The following GLIS3 variants were observed in gnomAD, a reference collection of about 807,000 sequenced individuals.
GLIS3 encodes the protein zinc finger protein GLIS3.
In GLIS3, 53 loss-of-function variants were observed where a neutral mutation model predicts 78.6. The ratio of observed to expected loss-of-function variants is 0.67; its 90% CI spans 0.54 to 0.85. The LOEUF is 0.85. Among genes scored for constraint, GLIS3 ranks in the 40% least tolerant of loss-of-function variants. The pLI is 0.00. For synonymous variants in GLIS3, 684 were observed against 509.9 expected (o/e 1.34, Z -4.60); for missense variants, 1,703 against 1,231.1 (o/e 1.38, Z -5.74).
At chr9:4,176,052 T>C (rs996088489) in intron 2 of GLIS3, among the ~76,000 whole-genome samples, 1 of 152,162 alleles carries the variant, frequency 6.6e-6, no homozygotes, top group Non-Finnish European at 1.5e-5. Flanking sequence ...GTGTGCCAAA[T>C]GACACATGAA....
intron 2 of GLIS3, among the ~76,000 whole-genome samples, chr9:4,328,784 CG>C (rs1554659089): frequency 6.6e-6 from 1 of 152,122 alleles, no homozygotes; most frequent in Non-Finnish European, 1.5e-5. Context: ...CCAGGTGTTG[CG>C]AGGACTGAAA....
the GLIS3 span, among the ~76,000 whole-genome samples, chr9:4,464,464 A>G: frequency 1.3e-5 from 2 of 151,934 alleles, no homozygotes; most frequent in Admixed American, 1.3e-4. Context: ...GCACAATCTC[A>G]GTTCACTGCA....
intron 2 of GLIS3, among the ~76,000 whole-genome samples, chr9:4,187,112 G>T (rs1246054232): frequency 6.6e-6 from 1 of 152,174 alleles, no homozygotes; most frequent in Non-Finnish European, 1.5e-5. Flanking sequence ...TTTCTTCCAG[G>T]GTTTTTATGC....
intron 4 of GLIS3, among the ~76,000 whole-genome samples, chr9:3,970,383 C>G (rs1429896613): frequency 6.6e-6 from 1 of 152,178 alleles, no homozygotes; most frequent in Non-Finnish European, 1.5e-5. Context: ...ACAGAAGACT[C>G]TTGATAATTC....
the GLIS3 span, among the ~76,000 whole-genome samples, chr9:4,384,971 G>C: frequency 6.6e-6 from 1 of 152,204 alleles, no homozygotes; most frequent in Non-Finnish European, 1.5e-5. Context: ...AGCTATACAA[G>C]CTTCATAATG....
At chr9:4,165,437 G>A (rs561414741) in intron 2 of GLIS3, among the ~76,000 whole-genome samples, 6 of 152,272 alleles carry the variant, frequency 3.9e-5, no homozygotes, top group African/African-American at 1.2e-4. Context: ...GCGAAACTCC[G>A]TCTCAAAGAC....
the GLIS3 span, among the ~76,000 whole-genome samples, chr9:4,462,337 A>C: frequency 1.3e-5 from 2 of 152,206 alleles, no homozygotes; most frequent in Admixed American, 6.5e-5. Flanking sequence ...TCCAAGCTCA[A>C]GATTGGTGAA....
intron 4 of GLIS3, among the ~76,000 whole-genome samples, chr9:4,079,824 T>C (rs1012527278): frequency 6.7e-6 from 1 of 149,810 alleles, no homozygotes; most frequent in Non-Finnish European, 1.5e-5. Flanking sequence ...ACCCAACATG[T>C]AAGAGAAATT....
intron 9 of GLIS3, among the ~76,000 whole-genome samples, chr9:3,833,338 T>A (rs1818157843): frequency 6.6e-6 from 1 of 152,196 alleles, no homozygotes; most frequent in Non-Finnish European, 1.5e-5. Context: ...AGCACTATTT[T>A]CACAAACCAA....
At chr9:4,452,277 C>T in the GLIS3 span, among the ~76,000 whole-genome samples, 3 of 152,248 alleles carry the variant, frequency 2.0e-5, no homozygotes, top group African/African-American at 7.2e-5. Context: ...CAAGGATGTC[C>T]TCTCTCACCA....
chr9:3,874,331 C>T (rs1187437749), intron 8 of GLIS3, among the ~76,000 whole-genome samples: 1 of 152,154 alleles, frequency 6.6e-6, no homozygotes, highest in Non-Finnish European at 1.5e-5. Context: ...CATGGAGGTT[C>T]CTGGAGGGCG....
rs533559271 is a variant in GLIS3 at position 3,918,347 on chromosome 9, C to G, written c.1983+14013G>C. ...GTGAGCAGGGAGGGAGACTGGCAATCTTTCTGAACTATCTTTTCAAAGATG... is the reference window on the plus strand; with the variant it reads ...GTGAGCAGGGAGGGAGACTGGCAATGTTTCTGAACTATCTTTTCAAAGATG... On this transcript the variant is annotated intron_variant, in intron 6 of 10. Coordinates refer to ENST00000381971, the MANE Select transcript of GLIS3 (RefSeq NM_001042413.2). 2.0e-5 allele frequency among the ~76,000 whole-genome samples: 3 copies of G among 152,250 alleles called. No homozygotes were observed. In the East Asian group the frequency reaches 5.8e-4, roughly 29 times the overall value.
At chr9:4,313,259 G>A (rs924780021) in intron 2 of GLIS3, among the ~76,000 whole-genome samples, 7 of 152,166 alleles carry the variant, frequency 4.6e-5, no homozygotes, top group African/African-American at 1.4e-4. Context: ...ATTAACTCTG[G>A]CAAGTGTGTC....
chr9:4,010,125 C>T (rs184668364), intron 4 of GLIS3, among the ~76,000 whole-genome samples: 8 of 152,206 alleles, frequency 5.3e-5, no homozygotes, highest in African/African-American at 1.4e-4. Flanking sequence ...GGATCTCCCC[C>T]GGGGTGGGGT....
At chr9:4,381,700 G>C in the GLIS3 span, among the ~76,000 whole-genome samples, 9 of 152,198 alleles carry the variant, frequency 5.9e-5, no homozygotes, top group Non-Finnish European at 1.0e-4. Flanking sequence ...CCCCTGAGCT[G>C]CACTTTCACC....
At chr9:3,932,738 C>T (rs1238208559) in intron 5 of GLIS3, 3 of 442,820 alleles carry the variant, frequency 6.8e-6, no homozygotes, top group African/African-American at 4.1e-5. Flanking sequence ...ACCACAAAAC[C>T]TCTTGGGGCA....
upstream of GLIS3, among the ~76,000 whole-genome samples, chr9:4,304,285 G>C (rs765212804): frequency 2.0e-5 from 3 of 152,242 alleles, no homozygotes; most frequent in Non-Finnish European, 4.4e-5. Context: ...CACAGTTAGT[G>C]TGTAGGGAGT....
intron 4 of GLIS3, among the ~76,000 whole-genome samples, chr9:4,105,529 C>T (rs1830683077): frequency 6.6e-6 from 1 of 152,140 alleles, no homozygotes; most frequent in Non-Finnish European, 1.5e-5. Context: ...GAAATTCCTC[C>T]TTGAAAATAA....
intron 2 of GLIS3, among the ~76,000 whole-genome samples, chr9:4,195,184 C>T (rs1349032984): frequency 1.3e-5 from 2 of 152,238 alleles, no homozygotes; most frequent in Non-Finnish European, 2.9e-5. Flanking sequence ...TCGGCCTCGG[C>T]GTCTGCTCTG....
Sources: gnomAD v4.1 joint callset for allele counts (sites outside exome capture counted in the v4.1 genomes callset) on GRCh38, gnomAD v4.1.1 for gene constraint, MANE v1.5 for transcripts, NCBI Gene and HGNC (gene_info 2026-07-23, HGNC 2026-07-21) for gene names.